The following CTNND2 variants were observed in gnomAD, a reference collection of about 807,000 sequenced individuals.
CTNND2 encodes catenin delta 2.
CTNND2 carries 22 observed loss-of-function variants against 144.4 expected under a neutral mutation model. The observed-to-expected ratio is 0.15, with a 90% CI of 0.11 to 0.22. The LOEUF is 0.22. Among genes scored for constraint, CTNND2 ranks in the 10% least tolerant of loss-of-function variants. The pLI, the probability that CTNND2 is intolerant of heterozygous loss-of-function variation, is 1.00. For synonymous variants in CTNND2, 751 were observed against 695.6 expected (o/e 1.08, Z -1.25); for missense variants, 1,353 against 1,618.8 (o/e 0.84, Z 2.82).
intron 2 of CTNND2, among the ~76,000 whole-genome samples, chr5:11,699,494 A>T (rs901659144): frequency 6.6e-6 from 1 of 152,212 alleles, no homozygotes; most frequent in East Asian, 1.9e-4. Flanking sequence ...TTGAATAAAA[A>T]GTCTAAATGA....
At chr5:11,457,368 CTA>C (rs1351585869) in intron 3 of CTNND2, among the ~76,000 whole-genome samples, 1 of 152,018 alleles carries the variant, frequency 6.6e-6, no homozygotes, top group African/African-American at 2.4e-5. Flanking sequence ...AGTAGAATTG[CTA>C]TATATATCAG....
At chr5:11,748,325 G>A (rs565325717) in intron 1 of CTNND2, among the ~76,000 whole-genome samples, 1 of 152,030 alleles carries the variant, frequency 6.6e-6, no homozygotes, top group Non-Finnish European at 1.5e-5. Context: ...AAAGTAAGCT[G>A]TGCTTAGGAG....
At chr5:11,168,879 TA>T (rs1330483098) in intron 11 of CTNND2, among the ~76,000 whole-genome samples, 12 of 151,856 alleles carry the variant, frequency 7.9e-5, no homozygotes, top group African/African-American at 2.7e-4. Context: ...ACTATCTGAT[TA>T]AAAAAAAGTA....
At chr5:11,555,860 A>AAAAAAC (rs1177927397) in intron 3 of CTNND2, among the ~76,000 whole-genome samples, 1 of 152,208 alleles carries the variant, frequency 6.6e-6, no homozygotes, top group Non-Finnish European at 1.5e-5. Context: ...AAAACTTGGA[A>AAAAAAC]AAAAACAAAA....
intron 2 of CTNND2, among the ~76,000 whole-genome samples, chr5:11,632,404 G>A (rs1014955911): frequency 2.6e-5 from 4 of 152,182 alleles, no homozygotes; most frequent in African/African-American, 9.7e-5. Context: ...AGGAGTGACA[G>A]CAGAAACTGA....
At chr5:11,222,982 G>A (rs1739950104) in intron 10 of CTNND2, among the ~76,000 whole-genome samples, 1 of 152,130 alleles carries the variant, frequency 6.6e-6, no homozygotes, top group Non-Finnish European at 1.5e-5. Flanking sequence ...GTGGGAGGGA[G>A]AAGGAAGAGG....
chr5:11,771,915 A>G (rs1213513935), intron 1 of CTNND2, among the ~76,000 whole-genome samples: 2 of 152,138 alleles, frequency 1.3e-5, no homozygotes, highest in Non-Finnish European at 2.9e-5. Flanking sequence ...AGGCTGTTGG[A>G]TTTATGAGCT....
At chr5:11,321,926 T>C (rs1426039636) in intron 9 of CTNND2, among the ~76,000 whole-genome samples, 2 of 152,010 alleles carry the variant, frequency 1.3e-5, no homozygotes, top group African/African-American at 4.8e-5. Flanking sequence ...CCAAGCACAA[T>C]GAATACATCT....
At chr5:11,036,120 T>C (rs900736639) in intron 16 of CTNND2, among the ~76,000 whole-genome samples, 1 of 151,196 alleles carries the variant, frequency 6.6e-6, no homozygotes, top group African/African-American at 2.4e-5. Flanking sequence ...CTACTTGATA[T>C]CGTGTTAATT....
At chr5:11,655,071 C>T in intron 2 of CTNND2, among the ~76,000 whole-genome samples, 1 of 152,000 alleles carries the variant, frequency 6.6e-6, no homozygotes, top group East Asian at 1.9e-4. Context: ...GTTTATCAGT[C>T]AGTTATACTG....
At chr5:11,043,211 T>C (rs1580125014) in intron 16 of CTNND2, among the ~76,000 whole-genome samples, 1 of 152,252 alleles carries the variant, frequency 6.6e-6, no homozygotes, top group Non-Finnish European at 1.5e-5. Context: ...GTAAAATTGG[T>C]TTGTGCTTTA....
In CTNND2 at chr5:11,870,882, T is replaced by C. The variant is rs377617952; in HGVS notation, c.37+32935A>G. Among the ~76,000 whole-genome samples, 11 of 152,308 alleles carry C rather than the reference T, an allele frequency of 7.2e-5. No homozygotes were observed. In the East Asian group the frequency reaches 2.1e-3, roughly 29 times the overall value. ...ATCTCAATTTATGGAAAACTAACCTTTGGTGGAGACACAGGGGTAAGGTTT... is the reference window on the plus strand; with the variant it reads ...ATCTCAATTTATGGAAAACTAACCTCTGGTGGAGACACAGGGGTAAGGTTT... On this transcript the variant is annotated intron_variant, in intron 1 of 21. Coordinates refer to ENST00000304623, the MANE Select transcript of CTNND2 (RefSeq NM_001332.4).
chr5:11,401,272 A>G (rs1327506836), intron 5 of CTNND2, among the ~76,000 whole-genome samples: 1 of 152,210 alleles, frequency 6.6e-6, no homozygotes, highest in Non-Finnish European at 1.5e-5. Flanking sequence ...GATTATGTGC[A>G]CTTGTTCTGT....
intron 16 of CTNND2, among the ~76,000 whole-genome samples, chr5:11,034,722 T>A (rs980892444): frequency 6.6e-6 from 1 of 152,172 alleles, no homozygotes; most frequent in African/African-American, 2.4e-5. Flanking sequence ...TTCAAAGTTA[T>A]AACTCATGAA....
Position 11,662,804 on chromosome 5 carries a change from CCT to C in CTNND2, c.174+69330_174+69331del, listed in dbSNP as rs1350301866. Among the ~76,000 whole-genome samples, 3 of 152,108 alleles carry C rather than the reference CCT, an allele frequency of 2.0e-5. No individual in the cohort carries two copies. In the East Asian group the frequency reaches 5.8e-4, roughly 29 times the overall value. ...GGCAGTTTCATCCCCAAAACATCCC[CCT>C]GCCTCCCCATCCCAAAACCCCGTCC... On this transcript the variant is annotated intron_variant, in intron 2 of 21. Coordinates refer to ENST00000304623, the MANE Select transcript of CTNND2 (RefSeq NM_001332.4).
chr5:11,346,747 T>C, intron 8 of CTNND2, 120 bp from the exon 9 acceptor site: 2 of 887,692 alleles, frequency 2.3e-6, no homozygotes, highest in East Asian at 3.2e-5. Flanking sequence ...TTCAAAAGAA[T>C]AAAAAAAATT....
intron 17 of CTNND2, among the ~76,000 whole-genome samples, chr5:11,018,285 C>A (rs919439114): frequency 6.6e-6 from 1 of 152,174 alleles, no homozygotes; most frequent in Non-Finnish European, 1.5e-5. Context: ...GACTGCTCCA[C>A]AGACTGGCCC....
At chr5:11,807,402 A>G (rs1013211374) in intron 1 of CTNND2, among the ~76,000 whole-genome samples, 4 of 152,142 alleles carry the variant, frequency 2.6e-5, no homozygotes, top group Admixed American at 6.6e-5. Flanking sequence ...TACGTACATC[A>G]TAACTCTAAG....
At chr5:11,431,444 A>G (rs1475755687) in intron 3 of CTNND2, among the ~76,000 whole-genome samples, 5 of 152,324 alleles carry the variant, frequency 3.3e-5, no homozygotes, top group Admixed American at 1.3e-4. Context: ...CTTGCCAGTG[A>G]TATGTTGAGA....
Sources: allele counts gnomAD v4.1 joint callset (sites outside exome capture counted in the v4.1 genomes callset), GRCh38; gene constraint gnomAD v4.1.1; transcripts MANE v1.5; gene names NCBI Gene and HGNC (gene_info 2026-07-23, HGNC 2026-07-21).